The following LRRC7 variants were observed in gnomAD, a reference collection of about 807,000 sequenced individuals.
LRRC7 encodes the protein leucine-rich repeat-containing protein 7.
LRRC7 carries 23 observed loss-of-function variants against 175.7 expected under a neutral mutation model. The observed-to-expected ratio is 0.13, with a 90% CI of 0.09 to 0.19. The LOEUF (loss-of-function observed/expected upper bound fraction) is 0.19. Among genes scored for constraint, LRRC7 ranks in the 10% least tolerant of loss-of-function variants. The pLI, the probability that LRRC7 is intolerant of heterozygous loss-of-function variation, is 1.00. For synonymous variants in LRRC7, 685 were observed against 680.9 expected, an observed-to-expected ratio of 1.01 and a Z score of -0.09; for missense variants, 1,354 against 1,904.7, an observed-to-expected ratio of 0.71 and a Z score of 5.38.
intron 2 of LRRC7, among the ~76,000 whole-genome samples, chr1:69,759,357 G>GA (rs1249724173): frequency 6.6e-6 from 1 of 151,890 alleles, no homozygotes; most frequent in Non-Finnish European, 1.5e-5. Context: ...TGTTTAGGAG[G>GA]AAAAAATACA....
At chr1:69,683,319 A>C (rs1046926890) in intron 2 of LRRC7, among the ~76,000 whole-genome samples, 1 of 152,140 alleles carries the variant, frequency 6.6e-6, no homozygotes, top group Non-Finnish European at 1.5e-5. Flanking sequence ...TCTGTGTAAG[A>C]TTCTACCAAA....
intron 23 of LRRC7, among the ~76,000 whole-genome samples, chr1:70,066,182 T>C (rs139860243): frequency 1.5e-3 from 221 of 152,112 alleles, no homozygotes; most frequent in African/African-American, 5.2e-3. Flanking sequence ...TAGAGTGCTA[T>C]ATCTCCAGCA....
Position 69,927,579 on chromosome 1 carries a change from C to T in LRRC7, c.648-3928C>T, listed in dbSNP as rs1041189319. ...CATTTCATCTTCCATCACTGATACC[C>T]TTTCTTCCAGTTGATTGCATCGGCT... On this transcript the variant is annotated intron_variant, in intron 7 of 26. Coordinates refer to ENST00000651989, the MANE Select transcript of LRRC7 (RefSeq NM_001370785.2). 2.8e-4 allele frequency among the ~76,000 whole-genome samples: 43 copies of T among 152,172 alleles called. 1 individual carries two copies. The highest frequency in any genetic ancestry group is 1.4e-3 in the Admixed American group (21 of 15,264).
At chr1:69,675,678 G>A (rs920588202) in intron 1 of LRRC7, among the ~76,000 whole-genome samples, 7 of 152,002 alleles carry the variant, frequency 4.6e-5, no homozygotes, top group African/African-American at 7.2e-5. Flanking sequence ...AAAATTGTGC[G>A]ATGAATTAAT....
At chr1:69,834,668 GA>G in intron 5 of LRRC7, 111 bp from the exon 6 acceptor site, 1 of 850,828 alleles carries the variant, frequency 1.2e-6, no homozygotes, top group Non-Finnish European at 1.9e-6. Flanking sequence ...TACCAAAGGA[GA>G]GTTGAAAAAT....
chr1:69,956,323 T>A (rs1650478800), intron 8 of LRRC7, among the ~76,000 whole-genome samples: 1 of 151,938 alleles, frequency 6.6e-6, no homozygotes, highest in Non-Finnish European at 1.5e-5. Context: ...TGAGTTTCCC[T>A]CTTCTCCACA....
rs1646384040 is a variant in LRRC7 at position 69,908,085 on chromosome 1, T to A, written c.648-23422T>A. On this transcript the variant is annotated intron_variant, in intron 7 of 26. Coordinates refer to ENST00000651989, the MANE Select transcript of LRRC7 (RefSeq NM_001370785.2). ...TAGTATTCTCTGATGGTAATTTGTA[T>A]TTCTGTGACATCAGTGGTGATATCG... is the stretch of plus-strand genomic sequence containing the variant. Among the ~76,000 whole-genome samples the A allele has an allele frequency of 8.5e-5, 13 of 152,366 alleles. No individual in the cohort carries two copies. The South Asian group carries it at 2.7e-3, about 32-fold the overall frequency.
chr1:69,751,437 A>G (rs573366237), intron 2 of LRRC7, among the ~76,000 whole-genome samples: 29 of 152,298 alleles, frequency 1.9e-4, no homozygotes, highest in African/African-American at 6.7e-4. Flanking sequence ...TAAAGAAAGG[A>G]AAAGAAAGAC....
At chr1:69,926,630 C>G (rs1385741794) in intron 7 of LRRC7, among the ~76,000 whole-genome samples, 1 of 151,170 alleles carries the variant, frequency 6.6e-6, no homozygotes, top group Admixed American at 6.6e-5. Flanking sequence ...AGGATTGCAA[C>G]CCCTGCCTTT....
chr1:70,003,067 C>T (rs569885418), intron 11 of LRRC7, among the ~76,000 whole-genome samples: 37 of 152,236 alleles, frequency 2.4e-4, no homozygotes, highest in Middle Eastern at 3.4e-3. Context: ...GTTCAAGGCA[C>T]CAGCAAGGTA....
rs1666896521 is a variant in LRRC7, at chr1:70,136,857, C to T, written c.*14970C>T. Among the ~76,000 whole-genome samples, 1 of 150,644 alleles carries T rather than the reference C, an allele frequency of 6.6e-6. No individual in the cohort carries two copies. The highest frequency in any genetic ancestry group is 2.4e-5 in the African/African-American group (1 of 40,826). On this transcript the variant is annotated 3_prime_UTR_variant, in exon 27 of 27. Transcript: ENST00000651989. ...TGATCCACCTCAGCCTCCTGAGTAG[C>T]TGGGACTATAGGCATGCACCACCAC...
chr1:69,750,061 A>AAAAT (rs368323946), intron 2 of LRRC7, among the ~76,000 whole-genome samples: 3,643 of 139,154 alleles, frequency 0.026, 76 homozygotes, highest in African/African-American at 0.039. Flanking sequence ...CTATGTCTCA[A>AAAAT]AAATAAATAA....
Position 69,717,973 on chromosome 1 carries a change from G to A in LRRC7, c.100+39495G>A, listed in dbSNP as rs963576268. Among the ~76,000 whole-genome samples, 403 of 107,310 alleles carry A rather than the reference G, an allele frequency of 3.8e-3. 9 individuals are homozygous for A. The highest frequency in any genetic ancestry group is 5.0e-3 in the Non-Finnish European group (257 of 51,552). 70.4% of individuals were successfully genotyped at this position (107,310 alleles called of 152,430 possible). ...GAAAGAAAGAAGAAAAAGAAAGAAA[G>A]AGAAAGAAAGAGGAGGGAGAGAAAG... On this transcript the variant is annotated intron_variant, in intron 2 of 26. Coordinates refer to ENST00000651989, the MANE Select transcript of LRRC7 (RefSeq NM_001370785.2).
chr1:69,680,520 TTA>T (rs749459947), intron 2 of LRRC7, among the ~76,000 whole-genome samples: 1 of 152,054 alleles, frequency 6.6e-6, no homozygotes, highest in Non-Finnish European at 1.5e-5. Context: ...TCAGCTGGAG[TTA>T]TGTTATCGAA....
chr1:69,856,419 G>C (rs575389084), intron 7 of LRRC7, among the ~76,000 whole-genome samples: 2 of 152,064 alleles, frequency 1.3e-5, no homozygotes, highest in Non-Finnish European at 2.9e-5. Flanking sequence ...AATAAAAAAT[G>C]ATAAAGGAGA....
intron 18 of LRRC7, among the ~76,000 whole-genome samples, chr1:70,029,073 A>C (rs957623031): frequency 4.6e-5 from 7 of 152,186 alleles, no homozygotes; most frequent in African/African-American, 1.7e-4. Context: ...CTACTTCTCC[A>C]AAATCTAGAG....
intron 25 of LRRC7, among the ~76,000 whole-genome samples, chr1:70,095,466 G>A (rs1235178683): frequency 6.6e-6 from 1 of 152,066 alleles, no homozygotes; most frequent in Non-Finnish European, 1.5e-5. Context: ...CTTAATGTTG[G>A]AGTAAAAAGT....
chr1:69,728,367 C>A (rs1163547287), intron 2 of LRRC7, among the ~76,000 whole-genome samples: 1 of 152,080 alleles, frequency 6.6e-6, no homozygotes, highest in Non-Finnish European at 1.5e-5. Flanking sequence ...TCCCATCTGT[C>A]AAATTGCCTG....
At chr1:69,652,204 A>G (rs557106718) in intron 1 of LRRC7, among the ~76,000 whole-genome samples, 13 of 151,764 alleles carry the variant, frequency 8.6e-5, no homozygotes, top group Admixed American at 2.6e-4. Context: ...AGAAAGAGGT[A>G]CAATTTTCTC....
Sources: allele counts gnomAD v4.1 joint callset (sites outside exome capture counted in the v4.1 genomes callset), GRCh38; gene constraint gnomAD v4.1.1; transcripts MANE v1.5; gene names NCBI Gene and HGNC (gene_info 2026-07-23, HGNC 2026-07-21).